Variants in PCDHGB2 observed in about 807,000 individuals in gnomAD.
The protein encoded by PCDHGB2 is protocadherin gamma subfamily B, 2, also known as protocadherin gamma-B2.
Under a neutral mutation model 59.3 loss-of-function variants are expected in PCDHGB2, and 55 were observed. That is an observed-to-expected ratio of 0.93 (90% confidence interval 0.75 to 1.16). The LOEUF is 1.16. Among genes scored for constraint, PCDHGB2 ranks in the 50% most tolerant of loss-of-function variants. The pLI, the probability that PCDHGB2 is intolerant of heterozygous loss-of-function variation, is 0.00. For synonymous variants in PCDHGB2, 516 were observed against 512.0 expected (o/e 1.01, Z -0.11); for missense variants, 1,228 against 1,198.5 (o/e 1.02, Z -0.36).
intron 3 of PCDHGB2, among the ~76,000 whole-genome samples, chr5:141,505,698 G>A (rs1041309644): frequency 2.0e-5 from 3 of 152,280 alleles, no homozygotes; most frequent in Admixed American, 6.5e-5. Context: ...GGAGGAGAGC[G>A]AACAAGGAAA....
At chr5:141,426,445 A>T (rs2096937062) in intron 1 of PCDHGB2, 1 of 310,256 alleles carries the variant, frequency 3.2e-6, no homozygotes, top group East Asian at 8.0e-5. Context: ...TGCGGAGGAC[A>T]TGCGGCTGCA....
intron 1 of PCDHGB2, chr5:141,405,392 T>C: frequency 6.3e-7 from 1 of 1,596,104 alleles, no homozygotes; most frequent in Non-Finnish European, 8.5e-7. Flanking sequence ...TTCATTTTTT[T>C]TCTTTCTTTC....
chr5:141,400,734 G>A, intron 1 of PCDHGB2: 1 of 634,548 alleles, frequency 1.6e-6, no homozygotes, highest in Non-Finnish European at 2.7e-6. Flanking sequence ...AAAGTAGTGA[G>A]AGTTTGCTCT....
rs764729742 is a variant in PCDHGB2 at position 141,450,826 on chromosome 5, A to ATTT, written c.2422-43979_2422-43978insTTT. On this transcript the variant is annotated intron_variant, in intron 1 of 3. Coordinates refer to ENST00000522605, the MANE Select transcript of PCDHGB2 (RefSeq NM_018923.3). ...TATTTATTTATTTAATATTATTATT[A>ATTT]TTATTTTTTTTTTTTTGAGATGGGG... 5.5e-3 allele frequency among the ~76,000 whole-genome samples: 742 copies of ATTT among 134,318 alleles called. 10 individuals are homozygous for ATTT. The highest frequency in any genetic ancestry group is 0.013 in the Middle Eastern group (3 of 230). 88.1% of individuals were successfully genotyped at this position (134,318 alleles called of 152,430 possible).
rs1387919696 is a variant in PCDHGB2 at position 141,384,415 on chromosome 5, TCC to T, written c.2421+21860_2421+21861del. On this transcript the variant is annotated intron_variant, in intron 1 of 3. Coordinates refer to ENST00000522605, the MANE Select transcript of PCDHGB2 (RefSeq NM_018923.3). ...GGGGGCTCCAGTGTCCTCCTATGTC[TCC>T]ATAAACTCTGACACTGGAGTCCTGT... is the stretch of plus-strand genomic sequence containing the variant. The T allele has an allele frequency of 2.5e-6, 4 of 1,613,776 alleles. No homozygotes were observed. In the East Asian group the frequency reaches 8.9e-5, roughly 36 times the overall value.
chr5:141,509,143 C>G (rs1022878562), intron 3 of PCDHGB2, among the ~76,000 whole-genome samples: 1 of 152,256 alleles, frequency 6.6e-6, no homozygotes, highest in African/African-American at 2.4e-5. Context: ...AGGCGCATCC[C>G]GGCTCTCCCC....
chr5:141,399,018 T>C lies in PCDHGB2; in HGVS notation c.2421+36462T>C. 5 of 1,613,892 alleles carry C rather than the reference T, an allele frequency of 3.1e-6. No individual in the cohort carries two copies. The South Asian group carries it at 3.3e-5, about 11-fold the overall frequency. On this transcript the variant is annotated intron_variant, in intron 1 of 3. Coordinates refer to ENST00000522605, the MANE Select transcript of PCDHGB2 (RefSeq NM_018923.3). ...GTCTGAATTCAAAGAGCGGAGAAATTACCACTCAAAAGAAACTGGATTTTG... is the reference window on the plus strand; with the variant it reads ...GTCTGAATTCAAAGAGCGGAGAAATCACCACTCAAAAGAAACTGGATTTTG...
Position 141,431,910 on chromosome 5 carries a change from G to A in PCDHGB2, c.2422-62897G>A. The A allele has an allele frequency of 6.2e-7, 1 of 1,614,096 alleles. No individual in the cohort carries two copies. Among genetic ancestry groups the A allele is most frequent in the Non-Finnish European group, 8.5e-7 (1 of 1,179,934 alleles). On this transcript the variant is annotated intron_variant, in intron 1 of 3. Transcript: ENST00000522605. This position sits in a 1 kb window ranked among gnomAD's most constrained non-coding sequence, Gnocchi z 4.8. ...TCTGAGGAAAACGGACAGGTGATCTGTTTCATCCAAGGAAATCTGCCCTTT... is the reference window on the plus strand; with the variant it reads ...TCTGAGGAAAACGGACAGGTGATCTATTTCATCCAAGGAAATCTGCCCTTT...
intron 1 of PCDHGB2, chr5:141,377,801 T>C (rs1439596981): frequency 1.3e-5 from 2 of 152,176 alleles, no homozygotes; most frequent in African/African-American, 2.4e-5. Context: ...CCTGTAACTA[T>C]CTGTTATTTA....
chr5:141,460,430 G>T (rs1163518139), intron 1 of PCDHGB2, among the ~76,000 whole-genome samples: 2 of 152,110 alleles, frequency 1.3e-5, no homozygotes, highest in African/African-American at 4.8e-5. Flanking sequence ...ATGGTGTATG[G>T]TGTGAGGTAA....
intron 1 of PCDHGB2, chr5:141,399,104 A>G (rs561995889): frequency 6.2e-7 from 1 of 1,613,860 alleles, no homozygotes; most frequent in South Asian, 1.1e-5. Context: ...CTGGTTGCAC[A>G]ATGTACAGTT....
intron 1 of PCDHGB2, among the ~76,000 whole-genome samples, chr5:141,492,593 A>T (rs907659087): frequency 1.3e-5 from 2 of 152,100 alleles, no homozygotes; most frequent in African/African-American, 4.8e-5. Context: ...GGAGCGCTGG[A>T]GCGACTGCCG....
In PCDHGB2 at chr5:141,422,020, G is replaced by T. The variant is rs374562798; in HGVS notation, c.2421+59464G>T. The T allele has an allele frequency of 1.3e-5, 21 of 1,610,932 alleles. No individual in the cohort carries two copies. The East Asian group carries it at 3.8e-4, about 29-fold the overall frequency. On this transcript the variant is annotated intron_variant, in intron 1 of 3. Transcript: ENST00000522605. ...CAGCTCCGGAACTCGGGTGCTGATG[G>T]TTAATGCAACGGATCCAGACGAGGG...
intron 1 of PCDHGB2, chr5:141,383,640 C>A (rs1305472453): frequency 3.1e-6 from 5 of 1,613,848 alleles, no homozygotes; most frequent in Non-Finnish European, 4.2e-6. Flanking sequence ...TGCCTCAGTA[C>A]CAAGTAACTG....
chr5:141,431,731 T>G lies in PCDHGB2; in HGVS notation c.2422-63076T>G. 6.2e-7 allele frequency: 1 copy of G among 1,614,210 alleles called. No homozygotes were observed. The highest frequency in any genetic ancestry group is 8.5e-7 in the Non-Finnish European group (1 of 1,180,034). Reference sequence around the variant, plus strand: ...AGATGGAAGTGCAAGCAATGGATAATGCAGGATATTCTGCGCGAGCCAAAG... The same window carrying G: ...AGATGGAAGTGCAAGCAATGGATAAGGCAGGATATTCTGCGCGAGCCAAAG... On this transcript the variant is annotated intron_variant, in intron 1 of 3. Coordinates refer to ENST00000522605, the MANE Select transcript of PCDHGB2 (RefSeq NM_018923.3). The surrounding 1 kb of genome is among the most constrained non-coding windows in gnomAD (Gnocchi z 4.8).
At chr5:141,452,251 ACT>A (rs899414988) in intron 1 of PCDHGB2, among the ~76,000 whole-genome samples, 29 of 152,204 alleles carry the variant, frequency 1.9e-4, no homozygotes, top group African/African-American at 6.7e-4. Flanking sequence ...TTTTGCCATA[ACT>A]CTCTCATTTT....
At chr5:141,504,671 G>C (rs1459848730) in intron 2 of PCDHGB2, among the ~76,000 whole-genome samples, 1 of 111,068 alleles carries the variant, frequency 9.0e-6, no homozygotes, top group East Asian at 3.2e-4. Context: ...GGGGGGTGGG[G>C]GTTCTTGTAA....
At chr5:141,430,652 A>G in intron 1 of PCDHGB2, 1 of 1,069,464 alleles carries the variant, frequency 9.4e-7, no homozygotes. Context: ...ATGTGGAAAC[A>G]ACGGAGGAGC....
rs1408454981 is a variant in PCDHGB2, at chr5:141,489,682, T to C, written c.2422-5125T>C. The C allele has an allele frequency of 6.2e-7, 1 of 1,614,184 alleles. No individual in the cohort carries two copies. The highest frequency in any genetic ancestry group is 8.5e-7 in the Non-Finnish European group (1 of 1,180,024). On this transcript the variant is annotated intron_variant, in intron 1 of 3. Transcript: ENST00000522605. This position sits in a 1 kb window ranked among gnomAD's most constrained non-coding sequence, Gnocchi z 4.5. ...GATGCGCATCTCAGAATCAGCAGCATCTGGGGCACGATTCCCACTGGACAG... is the reference window on the plus strand; with the variant it reads ...GATGCGCATCTCAGAATCAGCAGCACCTGGGGCACGATTCCCACTGGACAG...
Sources: gnomAD v4.1 joint callset for allele counts (sites outside exome capture counted in the v4.1 genomes callset) on GRCh38, gnomAD v4.1.1 for gene constraint, Gnocchi (gnomAD v3.1) non-coding constraint, MANE v1.5 for transcripts, NCBI Gene and HGNC (gene_info 2026-07-23, HGNC 2026-07-21) for gene names.